The following CELF6 variants were observed in gnomAD, a reference collection of about 807,000 sequenced individuals.
CELF6 encodes the protein Bruno -like 6, RNA binding protein.
A neutral mutation model predicts 53.1 loss-of-function variants in CELF6; 32 were observed. The observed-to-expected ratio is 0.60, with a 90% CI of 0.46 to 0.81. The LOEUF (loss-of-function observed/expected upper bound fraction) is 0.81, where lower values mean the gene tolerates loss of function less well. Ranked by LOEUF, CELF6 falls within the 30% of genes least tolerant of loss-of-function variation. The pLI is 0.00. For synonymous variants in CELF6, 291 were observed against 288.8 expected, an observed-to-expected ratio of 1.01 and a Z score of -0.08; for missense variants, 539 against 669.5, an observed-to-expected ratio of 0.81 and a Z score of 2.15.
In CELF6 at chr15:72,289,619, G is replaced by T; in HGVS notation, c.747+8C>A. The stretch of plus-strand genomic sequence containing the variant: ...GCGCGCCCTCGCACGCAGGTGCCCG[G>T]TACCTACCGCCGTGGTGTAGGCGCC... On this transcript the variant is annotated splice_region_variant and intron_variant, in intron 6 of 12. Transcript: ENST00000287202. This position sits in a 1 kb window ranked among gnomAD's most constrained non-coding sequence, Gnocchi z 7.6. 6.7e-7 allele frequency: 1 copy of T among 1,501,224 alleles called. No homozygotes were observed. Among genetic ancestry groups the T allele is most frequent in the Non-Finnish European group, 8.8e-7 (1 of 1,133,480 alleles). 93.0% of individuals were successfully genotyped at this position (1,501,224 alleles called of 1,614,324 possible).
At position 72,288,532 on chromosome 15, in the gene CELF6, C is replaced by T; in HGVS notation, c.1174+6G>A. ...AGGTTCTGCTGTCCAGCCCCCAGTCCCTCACCTTCTCTCTGCTGCTGGGGC... is the reference window on the plus strand; with the variant it reads ...AGGTTCTGCTGTCCAGCCCCCAGTCTCTCACCTTCTCTCTGCTGCTGGGGC... On this transcript the variant is annotated splice_donor_region_variant and intron_variant, in intron 10 of 12. Coordinates refer to ENST00000287202, the MANE Select transcript of CELF6 (RefSeq NM_052840.5). The surrounding 1 kb of genome is among the most constrained non-coding windows in gnomAD (Gnocchi z 4.6). 6.2e-7 allele frequency: 1 copy of T among 1,608,828 alleles called. No individual in the cohort carries two copies. The highest frequency in any genetic ancestry group is 8.5e-7 in the Non-Finnish European group (1 of 1,176,706).
At chr15:72,317,804 C>A (rs957256833) in intron 1 of CELF6, among the ~76,000 whole-genome samples, 1 of 152,212 alleles carries the variant, frequency 6.6e-6, no homozygotes, top group Non-Finnish European at 1.5e-5. Flanking sequence ...CCAAACCGGG[C>A]AGGTTGCCTG....
chr15:72,311,334 C>A (rs1206816603), intron 2 of CELF6, among the ~76,000 whole-genome samples: 3 of 151,580 alleles, frequency 2.0e-5, no homozygotes, highest in African/African-American at 7.3e-5. Flanking sequence ...GGACTCCCTC[C>A]CCAATTCTGG....
chr15:72,295,412 T>C (rs2088064952), intron 3 of CELF6, among the ~76,000 whole-genome samples: 1 of 151,606 alleles, frequency 6.6e-6, no homozygotes, highest in Non-Finnish European at 1.5e-5. Flanking sequence ...ACTCATACAC[T>C]GAAAACTACA....
intron 2 of CELF6, among the ~76,000 whole-genome samples, chr15:72,308,801 G>C (rs964104829): frequency 2.4e-4 from 36 of 151,508 alleles, no homozygotes; most frequent in African/African-American, 8.5e-4. Context: ...CGCCTCCCAG[G>C]TTCAAGCAAT....
chr15:72,290,257 T>A lies in CELF6; in HGVS notation c.395-2A>T, dbSNP rs200747208. The A allele has an allele frequency of 1.2e-6, 2 of 1,612,542 alleles. No homozygotes were observed. On this transcript the variant is annotated splice_acceptor_variant, in intron 3 of 12. Transcript: ENST00000287202. LOFTEE classifies it high-confidence loss of function. ...TCCCCACAAACAGCTTTCGGTCCTC[T>A]GGGGACAAAGCCAGGAATGACCTGG...
chr15:72,290,392 G>T, intron 3 of CELF6, 137 bp from the exon 4 acceptor site: 1 of 1,086,664 alleles, frequency 9.2e-7, no homozygotes, highest in Non-Finnish European at 1.3e-6. Context: ...GGGCTTCCAG[G>T]GTTGGTTTTC....
Position 72,289,976 on chromosome 15 carries a change from G to T in CELF6, c.566C>A (p.Ala189Glu), listed in dbSNP as rs201448755. 19 of 1,588,130 alleles carry T rather than the reference G, an allele frequency of 1.2e-5. No homozygotes were observed. The East Asian group carries it at 4.4e-4, about 37-fold the overall frequency. ...GCTGCCGTGCAGACCCCGGATGGCCGCCTGAGCTTCCCCTTGACTCCCGAA... is the reference window on the plus strand; with the variant it reads ...GCTGCCGTGCAGACCCCGGATGGCCTCCTGAGCTTCCCCTTGACTCCCGAA... ...VKFGSQGEAQ[A>E]AIRGLHGSRT... The change falls in exon 5 of 13, where the codon GCG becomes GAG. Residue 189 changes from alanine to glutamate, a missense_variant. By Grantham distance (107) the Ala-to-Glu change is moderately radical (BLOSUM62 -1). Around this residue, in one of 3 missense-constraint regions of CELF6, gnomAD observed 358 missense variants for 412.8 expected, o/e 0.87. Transcript: ENST00000287202. The surrounding 1 kb of genome is among the most constrained non-coding windows in gnomAD (Gnocchi z 7.6).
intron 2 of CELF6, among the ~76,000 whole-genome samples, chr15:72,313,032 T>C (rs751142003): frequency 6.6e-6 from 1 of 152,192 alleles, no homozygotes; most frequent in African/African-American, 2.4e-5. Context: ...CCTGACAGTA[T>C]CAGAGGAAGC....
chr15:72,319,502 T>A lies in CELF6; in HGVS notation c.262+111A>T. 8.2e-7 allele frequency: 1 copy of A among 1,219,452 alleles called. No individual in the cohort carries two copies. The highest frequency in any genetic ancestry group is 1.1e-6 in the Non-Finnish European group (1 of 898,440). 75.5% of individuals were successfully genotyped at this position (1,219,452 alleles called of 1,614,324 possible). A position where few individuals can be genotyped will look rare whatever the true frequency, so the allele number is the denominator to read the frequency against. ...GGGCTGGGCTGAGGTGGGGCTGATATTGGACTGGTGTTGGACTGGCTCTCG... is the reference window on the plus strand; with the variant it reads ...GGGCTGGGCTGAGGTGGGGCTGATAATGGACTGGTGTTGGACTGGCTCTCG... On this transcript the variant is annotated intron_variant, in intron 1 of 12. Transcript: ENST00000287202. The surrounding 1 kb of genome is among the most constrained non-coding windows in gnomAD (Gnocchi z 5.0).
chr15:72,295,340 C>A (rs561989219), intron 3 of CELF6, among the ~76,000 whole-genome samples: 29 of 150,314 alleles, frequency 1.9e-4, no homozygotes, highest in Middle Eastern at 3.6e-3. Flanking sequence ...TTTCAAAATA[C>A]ATAAATAAAT....
rs373197572 is a variant in CELF6, at chr15:72,288,851, G to A, written c.1093+17C>T. ...GGCCCTTCAACCTCCCCCAGGCCGC[G>A]TAGCGCCAAGTGAAACCTGCGTAGT... is the stretch of plus-strand genomic sequence containing the variant. On this transcript the variant is annotated intron_variant, in intron 9 of 12. Coordinates refer to ENST00000287202, the MANE Select transcript of CELF6 (RefSeq NM_052840.5). This position sits in a 1 kb window ranked among gnomAD's most constrained non-coding sequence, Gnocchi z 4.6. The A allele has an allele frequency of 3.2e-5, 49 of 1,549,492 alleles. No individual in the cohort carries two copies. The highest frequency in any genetic ancestry group is 4.0e-5 in the Non-Finnish European group (46 of 1,145,840).
intron 3 of CELF6, among the ~76,000 whole-genome samples, chr15:72,300,301 C>A (rs1157130562): frequency 1.3e-5 from 2 of 149,820 alleles, no homozygotes; most frequent in East Asian, 3.9e-4. Flanking sequence ...TTCAAGGCTG[C>A]AGTGAGCTAT....
In CELF6 at chr15:72,289,638, A is replaced by G; in HGVS notation, c.736T>C (p.Tyr246His). The change falls in exon 6 of 13, where the codon TAC (tyrosine) becomes CAC (histidine). Residue 246 changes from tyrosine to histidine, a missense_variant. By Grantham distance (83) the Tyr-to-His change is moderately conservative. Around this residue, in one of 3 missense-constraint regions of CELF6, gnomAD observed 358 missense variants for 412.8 expected, o/e 0.87. Coordinates refer to ENST00000287202, the MANE Select transcript of CELF6 (RefSeq NM_052840.5). The surrounding 1 kb of genome is among the most constrained non-coding windows in gnomAD (Gnocchi z 7.6). ...APLPLGACGA[Y>H]TTAILQHQAA... ...TGCCCGGTACCTACCGCCGTGGTGT[A>G]GGCGCCGCAGGCCCCTAGCGGCAGT... is the stretch of plus-strand genomic sequence containing the variant. The G allele has an allele frequency of 6.7e-7, 1 of 1,502,442 alleles. No individual in the cohort carries two copies. The highest frequency in any genetic ancestry group is 8.8e-7 in the Non-Finnish European group (1 of 1,134,408). The allele number at this position is 1,502,442 out of a possible 1,614,324, so 93.1% of individuals were successfully genotyped here.
chr15:72,290,222 T>A lies in CELF6; in HGVS notation c.428A>T (p.Lys143Met). ...DRKLFVGMLG[K>M]QQGEEDVRRL... ...TCTGACGTCCTCCTCACCCTGCTGCTTGCCCAGCATCCCCACAAACAGCTT... is the reference window on the plus strand; with the variant it reads ...TCTGACGTCCTCCTCACCCTGCTGCATGCCCAGCATCCCCACAAACAGCTT... The change falls in exon 4 of 13, where the codon AAG (lysine) becomes ATG (methionine). Residue 143 changes from lysine to methionine, a missense_variant. This residue lies in a region of CELF6 where 97 missense variants were observed against 168.8 expected (regional missense o/e 0.57). Transcript: ENST00000287202. The A allele has an allele frequency of 1.2e-6, 2 of 1,613,730 alleles. No homozygotes were observed. Among genetic ancestry groups the A allele is most frequent in the Non-Finnish European group, 1.7e-6 (2 of 1,179,888 alleles).
Position 72,319,910 on chromosome 15 carries a change from G to GGTCCCGCCT in CELF6, c.-45_-37dup, listed in dbSNP as rs1206706712. The GGTCCCGCCT allele has an allele frequency of 1.3e-4, 191 of 1,426,394 alleles. No homozygotes were observed. The highest frequency in any genetic ancestry group is 1.5e-4 in the Non-Finnish European group (170 of 1,097,338). 88.4% of individuals were successfully genotyped at this position (1,426,394 alleles called of 1,614,324 possible). ...TGTCAGCCCTCCCGCCGGTCCCACT[G>GGTCCCGCCT]GTCCCGCCTGTCCCGCCGTCCCCTC... On this transcript the variant is annotated 5_prime_UTR_variant, in exon 1 of 13. Coordinates refer to ENST00000287202, the MANE Select transcript of CELF6 (RefSeq NM_052840.5). The surrounding 1 kb of genome is among the most constrained non-coding windows in gnomAD (Gnocchi z 5.0).
intron 2 of CELF6, among the ~76,000 whole-genome samples, chr15:72,313,481 G>C (rs2088324758): frequency 6.6e-6 from 1 of 152,196 alleles, no homozygotes; most frequent in African/African-American, 2.4e-5. Flanking sequence ...TTGTGGAGGA[G>C]AGATTTTTTT....
At chr15:72,296,815 T>C (rs1052840098) in intron 3 of CELF6, among the ~76,000 whole-genome samples, 1 of 152,188 alleles carries the variant, frequency 6.6e-6, no homozygotes, top group Non-Finnish European at 1.5e-5. Context: ...TTGGCGAGGA[T>C]GTGGAGAAAT....
Position 72,289,095 on chromosome 15 carries a change from C to T in CELF6, c.1030+43G>A. On this transcript the variant is annotated intron_variant, in intron 8 of 12. Transcript: ENST00000287202. The surrounding 1 kb of genome is among the most constrained non-coding windows in gnomAD (Gnocchi z 7.6). Reference sequence around the variant, plus strand: ...GGCCCTAACCCCCCACCCCCCGCTCCCCACTCCATTTCGGGGGGATTTGGG... The same window carrying T: ...GGCCCTAACCCCCCACCCCCCGCTCTCCACTCCATTTCGGGGGGATTTGGG... 1.4e-6 allele frequency: 2 copies of T among 1,447,296 alleles called. No homozygotes were observed. The highest frequency in any genetic ancestry group is 1.8e-6 in the Non-Finnish European group (2 of 1,087,078). 89.7% of individuals were successfully genotyped at this position (1,447,296 alleles called of 1,614,324 possible).
Sources: gnomAD v4.1 joint callset for allele counts (sites outside exome capture counted in the v4.1 genomes callset) on GRCh38, gnomAD v4.1.1 for gene constraint, gnomAD v4.1.1 regional missense constraint, Gnocchi (gnomAD v3.1) non-coding constraint, MANE v1.5 for transcripts, NCBI Gene and HGNC (gene_info 2026-07-23, HGNC 2026-07-21) for gene names.